Variants in PHLPP1 observed in about 807,000 individuals in gnomAD.
PHLPP1 encodes PH domain leucine-rich repeat-containing protein phosphatase 1.
PHLPP1 carries 42 observed loss-of-function variants against 117.2 expected under a neutral mutation model. The ratio of observed to expected loss-of-function variants is 0.36; its 90% CI spans 0.28 to 0.46. The LOEUF (loss-of-function observed/expected upper bound fraction) is 0.46, where lower values mean the gene tolerates loss of function less well. Among genes scored for constraint, PHLPP1 ranks in the 20% least tolerant of loss-of-function variants. The pLI is 1.00. For missense variants in PHLPP1, 2,084 were observed against 2,241.9 expected, an observed-to-expected ratio of 0.93 and a Z score of 1.42; for synonymous variants, 1,042 against 970.7, an observed-to-expected ratio of 1.07 and a Z score of -1.37.
At chr18:62,752,263 A>G (rs562038641) in intron 1 of PHLPP1, among the ~76,000 whole-genome samples, 3 of 152,266 alleles carry the variant, frequency 2.0e-5, no homozygotes, top group Admixed American at 1.3e-4. Flanking sequence ...GCCCCCACCC[A>G]GTAAAGAATA....
In PHLPP1 at chr18:62,920,042, C is replaced by T. The variant is rs373653789; in HGVS notation, c.2888C>T (p.Ser963Leu). 15 of 1,612,958 alleles carry T rather than the reference C, an allele frequency of 9.3e-6. No individual in the cohort carries two copies. The highest frequency in any genetic ancestry group is 3.3e-5 in the South Asian group (3 of 90,840). Residue 963 changes from serine to leucine, a missense_variant, in exon 10 of 17, where the codon TCG becomes TTG. Ser to Leu is a moderately radical substitution (Grantham distance 145). This residue lies in a region of PHLPP1 where 1,365 missense variants were observed against 1,605.9 expected (regional missense o/e 0.85). Coordinates refer to ENST00000262719, the MANE Select transcript of PHLPP1 (RefSeq NM_194449.4). ...CTGCCTGAAAGGCTAGAAAGAACCT[C>T]GGTGGAGGTCTTGGATGTGCAACAC... ...ARLPERLERT[S>L]VEVLDVQHNQ...
chr18:62,966,234 A>G (rs1229662507), intron 14 of PHLPP1, among the ~76,000 whole-genome samples: 1 of 152,134 alleles, frequency 6.6e-6, no homozygotes, highest in Non-Finnish European at 1.5e-5. Flanking sequence ...CATATGATAA[A>G]CCCTATTTAA....
At chr18:62,817,996 A>G (rs1006481399) in intron 1 of PHLPP1, among the ~76,000 whole-genome samples, 14 of 151,662 alleles carry the variant, frequency 9.2e-5, no homozygotes, top group Non-Finnish European at 1.8e-4. Flanking sequence ...CTGGGACTAC[A>G]GGTGTGCACC....
rs141869128 is a variant in PHLPP1, at chr18:62,878,824, A to G, written c.2067-16187A>G. Among the ~76,000 whole-genome samples the G allele has an allele frequency of 2.6e-4, 40 of 152,104 alleles. 1 individual carries two copies. In the East Asian group the frequency reaches 7.5e-3, roughly 29 times the overall value. On this transcript the variant is annotated intron_variant, in intron 4 of 16. Transcript: ENST00000262719. ...TCTGGAAGTGCAACAAAGGGGAGAT[A>G]TTATCTGATACATGTGATAAATATG...
At chr18:62,963,221 G>C (rs185710745) in intron 13 of PHLPP1, 147 bp from the exon 14 acceptor site, 117 of 554,988 alleles carry the variant, frequency 2.1e-4, no homozygotes, top group African/African-American at 2.0e-3. Flanking sequence ...TCTTGTTGCT[G>C]ATAAGTATTT....
At chr18:62,787,938 C>T (rs1051008404) in intron 1 of PHLPP1, among the ~76,000 whole-genome samples, 13 of 152,144 alleles carry the variant, frequency 8.5e-5, no homozygotes, top group Non-Finnish European at 1.9e-4. Context: ...TACATTTGCC[C>T]TGTTTAGAGT....
chr18:62,836,140 A>G (rs1244301650), intron 2 of PHLPP1, among the ~76,000 whole-genome samples: 1 of 151,774 alleles, frequency 6.6e-6, no homozygotes, highest in Non-Finnish European at 1.5e-5. Flanking sequence ...AAATAAATAA[A>G]TTAATTAATT....
intron 4 of PHLPP1, among the ~76,000 whole-genome samples, chr18:62,874,514 A>G (rs1404736709): frequency 6.6e-6 from 1 of 152,078 alleles, no homozygotes; most frequent in Non-Finnish European, 1.5e-5. Context: ...ATCTCAAAAA[A>G]CAAACAAAAA....
chr18:62,738,727 TAATAAC>T (rs1049911088), intron 1 of PHLPP1, among the ~76,000 whole-genome samples: 26 of 152,298 alleles, frequency 1.7e-4, no homozygotes, highest in African/African-American at 6.0e-4. Context: ...ATGGAACAGT[TAATAAC>T]AATACTGTAA....
At chr18:62,780,278 A>G (rs1043340555) in intron 1 of PHLPP1, among the ~76,000 whole-genome samples, 11 of 152,238 alleles carry the variant, frequency 7.2e-5, no homozygotes, top group Non-Finnish European at 1.5e-4. Context: ...AGTGGCTGCA[A>G]TAAGAAATAC....
chr18:62,723,693 A>C (rs1030499337), intron 1 of PHLPP1, among the ~76,000 whole-genome samples: 6 of 152,200 alleles, frequency 3.9e-5, no homozygotes, highest in African/African-American at 1.4e-4. Context: ...GTTGGGTCAA[A>C]GTCACTCTCC....
rs774810238 is a variant in PHLPP1, at chr18:62,978,943, G to A, written c.4666G>A (p.Val1556Ile). 4.3e-6 allele frequency: 7 copies of A among 1,609,462 alleles called. No homozygotes were observed. Among genetic ancestry groups the A allele is most frequent in the African/African-American group, 1.3e-5 (1 of 74,858 alleles). The change falls in exon 17 of 17, where the codon GTC becomes ATC. Residue 1556 changes from valine (V) to isoleucine (I), a missense_variant. This residue lies in a region of PHLPP1 where 1,365 missense variants were observed against 1,605.9 expected (regional missense o/e 0.85). Transcript: ENST00000262719. The surrounding 1 kb of genome is among the most constrained non-coding windows in gnomAD (Gnocchi z 7.0). ...TGACGATGAGGAGCCCATCGAGGGC[G>A]TCTTCACCAACGGCAGCCGGGTGGA... The part of the protein sequence containing the change: ...DSDDEEPIEG[V>I]FTNGSRVEVE...
intron 14 of PHLPP1, among the ~76,000 whole-genome samples, chr18:62,965,648 AG>A (rs554420676): frequency 4.7e-4 from 71 of 151,012 alleles, no homozygotes; most frequent in African/African-American, 1.7e-3. Context: ...TAGTAGAAAC[AG>A]GGTTTCACCA....
intron 3 of PHLPP1, among the ~76,000 whole-genome samples, chr18:62,849,668 AAT>A (rs1454246366): frequency 6.8e-6 from 1 of 147,510 alleles, no homozygotes; most frequent in Admixed American, 6.8e-5. Flanking sequence ...AAAAAAAAAA[AAT>A]CTACCAGGCA....
At chr18:62,962,545 G>C (rs1027581838) in intron 13 of PHLPP1, among the ~76,000 whole-genome samples, 37 of 152,290 alleles carry the variant, frequency 2.4e-4, no homozygotes, top group African/African-American at 8.9e-4. Context: ...CCGACCTCAG[G>C]TGATCCGCCC....
At chr18:62,916,124 G>T (rs1909268799) in intron 9 of PHLPP1, among the ~76,000 whole-genome samples, 1 of 152,120 alleles carries the variant, frequency 6.6e-6, no homozygotes, top group East Asian at 1.9e-4. Context: ...ACATGTTAGA[G>T]TTGAGCTGTC....
At position 62,945,798 on chromosome 18, in the gene PHLPP1, T is replaced by C. The variant is rs529119180; in HGVS notation, c.3324+527T>C. Among the ~76,000 whole-genome samples, 14 of 152,354 alleles carry C rather than the reference T, an allele frequency of 9.2e-5. No homozygotes were observed. The South Asian group carries it at 2.5e-3, about 27-fold the overall frequency. ...CGGAATGAAATTGGCAGAGCAGATA[T>C]TATTGTCATTTGATAAGTAAGGACA... On this transcript the variant is annotated intron_variant, in intron 12 of 16. Coordinates refer to ENST00000262719, the MANE Select transcript of PHLPP1 (RefSeq NM_194449.4).
chr18:62,802,829 T>C (rs528089146), intron 1 of PHLPP1, among the ~76,000 whole-genome samples: 2 of 152,288 alleles, frequency 1.3e-5, no homozygotes, highest in East Asian at 1.9e-4. Context: ...GTACTAATTA[T>C]GCCTTTTGTA....
At chr18:62,959,252 A>G (rs894720583) in intron 13 of PHLPP1, among the ~76,000 whole-genome samples, 8 of 152,224 alleles carry the variant, frequency 5.3e-5, no homozygotes, top group Non-Finnish European at 1.2e-4. Context: ...CTAAATGTCT[A>G]TTAAGAATTA....
Sources: gnomAD v4.1 joint callset for allele counts (sites outside exome capture counted in the v4.1 genomes callset) on GRCh38, gnomAD v4.1.1 for gene constraint, gnomAD v4.1.1 regional missense constraint, Gnocchi (gnomAD v3.1) non-coding constraint, MANE v1.5 for transcripts, NCBI Gene and HGNC (gene_info 2026-07-23, HGNC 2026-07-21) for gene names.